Variants in LINGO1 observed in about 807,000 individuals in gnomAD.
LINGO1 encodes leucine rich repeat and Ig domain containing 1, also known as leucine-rich repeat and immunoglobulin-like domain-containing nogo receptor-interacting protein 1.
LINGO1 carries 11 observed loss-of-function variants against 37.3 expected under a neutral mutation model. The ratio of observed to expected loss-of-function variants is 0.29; its 90% CI spans 0.19 to 0.49. The LOEUF is 0.49. Ranked by LOEUF, LINGO1 falls within the 20% of genes least tolerant of loss-of-function variation. The probability of loss-of-function intolerance (pLI) is 0.99; values close to 1 mark genes in which losing one functional copy is unlikely to be tolerated. For synonymous variants in LINGO1, 387 were observed against 403.0 expected (o/e 0.96, Z 0.48); for missense variants, 585 against 878.2 (o/e 0.67, Z 4.22).
At chr15:77,818,781 G>C (rs1410978917) in intron 1 of LINGO1, among the ~76,000 whole-genome samples, 1 of 151,986 alleles carries the variant, frequency 6.6e-6, no homozygotes. Flanking sequence ...GCCCGGAGCG[G>C]CTCCAGCGCG....
At chr15:77,658,451 G>A (rs776497251) in intron 3 of LINGO1, among the ~76,000 whole-genome samples, 13 of 152,372 alleles carry the variant, frequency 8.5e-5, no homozygotes, top group Admixed American at 1.3e-4. Flanking sequence ...CTCACCGCAC[G>A]TGGTTCTGGG....
At chr15:77,815,405 C>T (rs1043387799) in intron 1 of LINGO1, among the ~76,000 whole-genome samples, 2 of 152,132 alleles carry the variant, frequency 1.3e-5, no homozygotes, top group Admixed American at 6.5e-5. Flanking sequence ...CTCTAGGCCT[C>T]AAGCTCTTCC....
At chr15:77,709,185 T>C (rs917915210) in intron 2 of LINGO1, among the ~76,000 whole-genome samples, 3 of 152,186 alleles carry the variant, frequency 2.0e-5, no homozygotes, top group Non-Finnish European at 4.4e-5. Flanking sequence ...ACGGGAGCTC[T>C]AAAAAACTAA....
intron 3 of LINGO1, among the ~76,000 whole-genome samples, chr15:77,649,679 G>A (rs749760137): frequency 6.6e-6 from 1 of 152,112 alleles, no homozygotes. Context: ...CTAGCTGGAG[G>A]ATAGAAACCA....
chr15:77,646,395 C>T lies in LINGO1; in HGVS notation c.-12-30495G>A, dbSNP rs1331810860. 9.4e-6 allele frequency: 4 copies of T among 427,542 alleles called. 1 individual carries two copies. The highest frequency in any genetic ancestry group is 5.0e-5 in the South Asian group (3 of 59,810). 26.5% of individuals were successfully genotyped at this position (427,542 alleles called of 1,614,324 possible). A position where few individuals can be genotyped will look rare whatever the true frequency, so the allele number is the denominator to read the frequency against. On this transcript the variant is annotated intron_variant, in intron 3 of 3. Coordinates refer to the LINGO1 transcript ENST00000559893. ...CTGGTCTTGTCCCCACAGGACACCC[C>T]TCTGTCATGGTGATCAAGACGGCTA...
intron 1 of LINGO1, among the ~76,000 whole-genome samples, chr15:77,774,838 G>T (rs1032925344): frequency 4.6e-5 from 7 of 152,198 alleles, no homozygotes; most frequent in Non-Finnish European, 8.8e-5. Context: ...AGAGAAGAGT[G>T]CCCAAAAGGA....
intron 3 of LINGO1, among the ~76,000 whole-genome samples, chr15:77,666,798 A>G (rs1446095187): frequency 2.6e-5 from 4 of 152,222 alleles, no homozygotes; most frequent in Admixed American, 2.0e-4. Context: ...CACTCAAAAA[A>G]CAAGCCCTGC....
intron 3 of LINGO1, among the ~76,000 whole-genome samples, chr15:77,659,055 G>A (rs2074929901): frequency 6.6e-6 from 1 of 152,210 alleles, no homozygotes; most frequent in Non-Finnish European, 1.5e-5. Flanking sequence ...TGGGGGCAAG[G>A]GCAGTGGCTT....
chr15:77,666,220 T>C (rs965661052), intron 3 of LINGO1, among the ~76,000 whole-genome samples: 2 of 152,178 alleles, frequency 1.3e-5, no homozygotes, highest in Admixed American at 6.5e-5. Context: ...CCCCTTTGAG[T>C]GGGTGTTCCT....
At chr15:77,636,911 T>C (rs756260318), upstream of LINGO1, among the ~76,000 whole-genome samples, 2 of 152,072 alleles carry the variant, frequency 1.3e-5, no homozygotes. Context: ...TGGTGCACTG[T>C]GGAGGCCAGA....
intron 1 of LINGO1, among the ~76,000 whole-genome samples, chr15:77,763,901 C>A (rs558952025): frequency 1.3e-3 from 203 of 152,260 alleles, no homozygotes; most frequent in African/African-American, 4.6e-3. Flanking sequence ...GCTCATCCCC[C>A]CTTCCCCTGG....
At chr15:77,705,694 G>A (rs1567536387) in intron 2 of LINGO1, among the ~76,000 whole-genome samples, 1 of 152,236 alleles carries the variant, frequency 6.6e-6, no homozygotes, top group South Asian at 2.1e-4. Context: ...TTCTTCTCAG[G>A]CTGAACAACG....
intron 2 of LINGO1, among the ~76,000 whole-genome samples, chr15:77,689,598 T>C (rs534901717): frequency 6.6e-6 from 1 of 152,170 alleles, no homozygotes; most frequent in South Asian, 2.1e-4. Context: ...CCGACCTCCA[T>C]GTGGGGGGTG....
intron 1 of LINGO1, among the ~76,000 whole-genome samples, chr15:77,767,328 T>A (rs1009963852): frequency 5.3e-5 from 8 of 152,022 alleles, no homozygotes; most frequent in Admixed American, 3.9e-4. Context: ...GGAAAAAAGA[T>A]CTCCATTCGG....
intron 2 of LINGO1, among the ~76,000 whole-genome samples, chr15:77,683,193 G>C (rs1056368024): frequency 6.6e-6 from 1 of 152,190 alleles, no homozygotes; most frequent in South Asian, 2.1e-4. Context: ...TATTTTTCTA[G>C]ATCGGCAAAT....
At chr15:77,768,580 G>C (rs1399172818) in intron 1 of LINGO1, among the ~76,000 whole-genome samples, 1 of 152,152 alleles carries the variant, frequency 6.6e-6, no homozygotes. Context: ...TGGTGGGCAG[G>C]TTGGGACAGT....
chr15:77,808,202 T>C (rs2076975947), intron 1 of LINGO1, among the ~76,000 whole-genome samples: 1 of 152,066 alleles, frequency 6.6e-6, no homozygotes, highest in African/African-American at 2.4e-5. Context: ...CATCCACCAC[T>C]GCAGGCTGGC....
upstream of LINGO1, among the ~76,000 whole-genome samples, chr15:77,699,631 A>ACATACTAACCATCACCTGCACACAGTAAG (rs2075748891): frequency 3.3e-4 from 1 of 3,054 alleles, no homozygotes; most frequent in Non-Finnish European, 1.4e-3. Flanking sequence ...CACAAACTAA[A>ACATACTAACCATCACCTGCACACAGTAAG]CACATACTAA....
intron 1 of LINGO1, among the ~76,000 whole-genome samples, chr15:77,694,865 C>T (rs1189814968): frequency 2.0e-5 from 3 of 152,242 alleles, no homozygotes; most frequent in Admixed American, 2.0e-4. Context: ...CCTTTCCTAC[C>T]AGACAGGCAG....
Sources: allele counts gnomAD v4.1 joint callset (sites outside exome capture counted in the v4.1 genomes callset), GRCh38; gene constraint gnomAD v4.1.1; transcripts MANE v1.5; gene names NCBI Gene and HGNC (gene_info 2026-07-23, HGNC 2026-07-21).